Variants in ZBBX observed in about 807,000 individuals in gnomAD.
ZBBX encodes the protein zinc finger B-box domain-containing protein 1.
Under a neutral mutation model 108.5 loss-of-function variants are expected in ZBBX, and 101 were observed. The ratio of observed to expected loss-of-function variants is 0.93; its 90% CI spans 0.79 to 1.10. The LOEUF is 1.10. Among genes scored for constraint, ZBBX ranks in the 50% least tolerant of loss-of-function variants. ZBBX has a pLI of 0.00. For synonymous variants in ZBBX, 356 were observed against 323.4 expected (o/e 1.10, Z -1.08); for missense variants, 1,009 against 941.4 (o/e 1.07, Z -0.94).
chr3:167,397,095 C>T (rs1187427272), intron 1 of ZBBX, among the ~76,000 whole-genome samples: 1 of 131,204 alleles, frequency 7.6e-6, no homozygotes, highest in Admixed American at 8.7e-5. Context: ...AACTACTCAC[C>T]TTAAGAATTG....
chr3:167,226,312 C>T, the ZBBX span, among the ~76,000 whole-genome samples: 3 of 151,614 alleles, frequency 2.0e-5, no homozygotes, highest in Non-Finnish European at 4.4e-5. Flanking sequence ...ACATAAATAC[C>T]ATTTTATTAT....
At chr3:167,381,774 G>A (rs974212620), upstream of ZBBX, among the ~76,000 whole-genome samples, 2 of 152,028 alleles carry the variant, frequency 1.3e-5, no homozygotes, top group Non-Finnish European at 2.9e-5. Context: ...TGAAGAAATC[G>A]TCAAAGCCCC....
chr3:167,293,014 C>T (rs534559035), intron 18 of ZBBX, among the ~76,000 whole-genome samples: 1 of 152,130 alleles, frequency 6.6e-6, no homozygotes, highest in African/African-American at 2.4e-5. Context: ...AAGTTGAATC[C>T]CTGAATAGAC....
chr3:167,308,310 CAG>C (rs1241769383), intron 16 of ZBBX, among the ~76,000 whole-genome samples: 1 of 152,030 alleles, frequency 6.6e-6, no homozygotes, highest in Non-Finnish European at 1.5e-5. Flanking sequence ...AAAAAAATAA[CAG>C]ATGCTGGTGA....
chr3:167,226,602 C>G, the ZBBX span, among the ~76,000 whole-genome samples: 1 of 151,712 alleles, frequency 6.6e-6, no homozygotes, highest in Non-Finnish European at 1.5e-5. Flanking sequence ...TTCTTACGTT[C>G]CTAGAAAATT....
chr3:167,295,759 A>ATATATATATATAT (rs1560086259), intron 18 of ZBBX, among the ~76,000 whole-genome samples: 3 of 2,090 alleles, frequency 1.4e-3, no homozygotes, highest in Non-Finnish European at 2.3e-3. Flanking sequence ...ATATATATAT[A>ATATATATATATAT]AAAAAAACTA....
chr3:167,333,059 A>C (rs1738926878), intron 10 of ZBBX, among the ~76,000 whole-genome samples: 1 of 151,988 alleles, frequency 6.6e-6, no homozygotes, highest in Non-Finnish European at 1.5e-5. Flanking sequence ...ACTCCTGAAA[A>C]ATTCAAGCAC....
intron 2 of ZBBX, among the ~76,000 whole-genome samples, chr3:167,378,849 A>T (rs1169200355): frequency 6.6e-6 from 1 of 152,148 alleles, no homozygotes; most frequent in Non-Finnish European, 1.5e-5. Context: ...GATTCCCTCC[A>T]TCGAAACCGA....
At chr3:167,193,189 A>G in the ZBBX span, among the ~76,000 whole-genome samples, 2 of 152,122 alleles carry the variant, frequency 1.3e-5, no homozygotes, top group Non-Finnish European at 2.9e-5. Flanking sequence ...TATTGCCTAC[A>G]TTTTGGAATT....
intron 18 of ZBBX, among the ~76,000 whole-genome samples, chr3:167,297,713 A>G (rs1168112655): frequency 1.3e-5 from 2 of 152,010 alleles, no homozygotes; most frequent in Non-Finnish European, 2.9e-5. Context: ...CAATTAAAAT[A>G]AGAGCTAAGG....
At chr3:167,278,950 G>C (rs916355441) in intron 20 of ZBBX, among the ~76,000 whole-genome samples, 1 of 152,122 alleles carries the variant, frequency 6.6e-6, no homozygotes, top group Non-Finnish European at 1.5e-5. Flanking sequence ...TTCAATATGT[G>C]CAAATCAATA....
chr3:167,283,790 G>A (rs1011477005), intron 19 of ZBBX, among the ~76,000 whole-genome samples: 4 of 152,176 alleles, frequency 2.6e-5, no homozygotes, highest in Middle Eastern at 3.4e-3. Context: ...TTACAGGCGC[G>A]TGCCACCACA....
intron 18 of ZBBX, among the ~76,000 whole-genome samples, chr3:167,294,308 A>G (rs190429070): frequency 2.0e-5 from 3 of 152,324 alleles, no homozygotes; most frequent in African/African-American, 7.2e-5. Flanking sequence ...CTACAAGGCT[A>G]CAGTAACCCA....
At chr3:167,316,249 G>C (rs536830649) in intron 14 of ZBBX, among the ~76,000 whole-genome samples, 20 of 152,052 alleles carry the variant, frequency 1.3e-4, no homozygotes, top group Non-Finnish European at 2.6e-4. Flanking sequence ...AAATAAAAAT[G>C]TTGTTAGCCA....
chr3:167,185,357 A>G, the ZBBX span, among the ~76,000 whole-genome samples: 3 of 152,176 alleles, frequency 2.0e-5, no homozygotes, highest in Admixed American at 6.5e-5. Flanking sequence ...GAGGATGGGG[A>G]CAGTGGTTGA....
chr3:167,340,870 T>C (rs13074243), intron 9 of ZBBX, among the ~76,000 whole-genome samples: 56,032 of 151,682 alleles, frequency 0.37, 11,038 homozygotes, highest in Non-Finnish European at 0.45. Flanking sequence ...ATTTATTAGA[T>C]GAAATAAAAT....
chr3:167,375,683 T>C (rs1273759471), intron 2 of ZBBX, among the ~76,000 whole-genome samples: 17 of 151,954 alleles, frequency 1.1e-4, no homozygotes, highest in Admixed American at 1.1e-3. Context: ...GATTGTGCAA[T>C]AGGAGCAACT....
chr3:167,182,364 G>A, the ZBBX span, among the ~76,000 whole-genome samples: 6 of 152,266 alleles, frequency 3.9e-5, no homozygotes, highest in South Asian at 2.1e-4. Flanking sequence ...GCTAGTAACC[G>A]CAACACTATA....
chr3:167,207,155 C>A, the ZBBX span, among the ~76,000 whole-genome samples: 4 of 152,072 alleles, frequency 2.6e-5, no homozygotes, highest in African/African-American at 9.7e-5. Flanking sequence ...ATCTGCACAG[C>A]AAAGGAGACA....
Sources: allele counts gnomAD v4.1 joint callset (sites outside exome capture counted in the v4.1 genomes callset), GRCh38; gene constraint gnomAD v4.1.1; transcripts MANE v1.5; gene names NCBI Gene and HGNC (gene_info 2026-07-23, HGNC 2026-07-21).